GRIN3A: variants seen among roughly 807,000 people sequenced by gnomAD.
GRIN3A encodes the protein glutamate receptor ionotropic, NMDA 3A.
Under a neutral mutation model 92.4 loss-of-function variants are expected in GRIN3A, and 47 were observed. The observed-to-expected ratio is 0.51, with a 90% CI of 0.40 to 0.65. GRIN3A has a LOEUF of 0.65. Among genes scored for constraint, GRIN3A ranks in the 30% least tolerant of loss-of-function variants. The probability of loss-of-function intolerance (pLI) is 0.00; values close to 1 mark genes in which losing one functional copy is unlikely to be tolerated. For missense variants in GRIN3A, 1,324 were observed against 1,393.1 expected, an observed-to-expected ratio of 0.95 and a Z score of 0.79; for synonymous variants, 527 against 540.6, an observed-to-expected ratio of 0.97 and a Z score of 0.35.
chr9:101,595,806 T>C (rs1341010207), intron 6 of GRIN3A, among the ~76,000 whole-genome samples: 1 of 152,216 alleles, frequency 6.6e-6, no homozygotes, highest in African/African-American at 2.4e-5. Context: ...ACATCTTTGT[T>C]GTTGGTGCCT....
At chr9:101,611,067 C>T (rs2118843290) in intron 6 of GRIN3A, among the ~76,000 whole-genome samples, 1 of 149,662 alleles carries the variant, frequency 6.7e-6, no homozygotes, top group Middle Eastern at 3.4e-3. Flanking sequence ...CACTGCACTC[C>T]AGCCTGGGTT....
At chr9:101,607,842 G>GA (rs1361421080) in intron 6 of GRIN3A, among the ~76,000 whole-genome samples, 3 of 152,126 alleles carry the variant, frequency 2.0e-5, no homozygotes, top group Non-Finnish European at 4.4e-5. Context: ...AGAAAGTTAA[G>GA]AAAAAAATAG....
chr9:101,686,505 G>T lies in GRIN3A; in HGVS notation c.1304+91C>A, dbSNP rs546794609. On this transcript the variant is annotated intron_variant, in intron 2 of 8. Transcript: ENST00000361820. Reference sequence around the variant, plus strand: ...TTATTAAAGTTTAAAGCTACTCAGAGTCAAGATTTCTGCAAAGCGGACAGA... The same window carrying T: ...TTATTAAAGTTTAAAGCTACTCAGATTCAAGATTTCTGCAAAGCGGACAGA... The T allele has an allele frequency of 1.9e-5, 27 of 1,404,514 alleles. No homozygotes were observed. In the African/African-American group the frequency reaches 3.2e-4, roughly 17 times the overall value. 87.0% of individuals were successfully genotyped at this position (1,404,514 alleles called of 1,614,324 possible). A position where few individuals can be genotyped will look rare whatever the true frequency, so the allele number is the denominator to read the frequency against.
chr9:101,738,218 C>T lies in GRIN3A; in HGVS notation c.-239G>A, dbSNP rs961057555. Reference sequence around the variant, plus strand: ...GCATCCTCTGCCCGCCCGGTCACTGCGCTGAGCAGGCAGGCGGGCGGGCCG... The same window carrying T: ...GCATCCTCTGCCCGCCCGGTCACTGTGCTGAGCAGGCAGGCGGGCGGGCCG... On this transcript the variant is annotated 5_prime_UTR_variant, in exon 1 of 9. Transcript: ENST00000361820. 18 of 566,996 alleles carry T rather than the reference C, an allele frequency of 3.2e-5. No individual in the cohort carries two copies. The highest frequency in any genetic ancestry group is 5.7e-5 in the Non-Finnish European group (18 of 318,072). The allele number at this position is 566,996 out of a possible 1,614,324, so 35.1% of individuals were successfully genotyped here.
intron 6 of GRIN3A, among the ~76,000 whole-genome samples, chr9:101,590,911 G>A (rs769160084): frequency 2.6e-5 from 4 of 152,064 alleles, no homozygotes; most frequent in Non-Finnish European, 5.9e-5. Flanking sequence ...AAAATGTCTG[G>A]AAGATATTTT....
intron 1 of GRIN3A, among the ~76,000 whole-genome samples, chr9:101,701,413 TGTGTCC>T (rs1282979410): frequency 6.6e-6 from 1 of 152,174 alleles, no homozygotes; most frequent in East Asian, 1.9e-4. Flanking sequence ...TTCCCCTCTA[TGTGTCC>T]ATGTAGTCTC....
chr9:101,616,888 T>TAAAAAA (rs75080539), intron 5 of GRIN3A, among the ~76,000 whole-genome samples: 1 of 101,388 alleles, frequency 9.9e-6, no homozygotes, highest in Non-Finnish European at 1.9e-5. Context: ...ACTTAAAGTA[T>TAAAAAA]AAAAAAAAAA....
intron 1 of GRIN3A, among the ~76,000 whole-genome samples, chr9:101,711,454 G>A (rs1413858985): frequency 1.3e-5 from 2 of 152,166 alleles, no homozygotes; most frequent in African/African-American, 4.8e-5. Context: ...TGAAACCTTG[G>A]AAAGCAAAAC....
intron 8 of GRIN3A, among the ~76,000 whole-genome samples, chr9:101,576,071 T>C (rs560958468): frequency 1.3e-5 from 2 of 152,314 alleles, no homozygotes; most frequent in African/African-American, 4.8e-5. Context: ...TAAGACTCAG[T>C]GTCTACTTGG....
chr9:101,723,578 C>T (rs1588298367), intron 1 of GRIN3A, among the ~76,000 whole-genome samples: 1 of 152,304 alleles, frequency 6.6e-6, no homozygotes, highest in African/African-American at 2.4e-5. Flanking sequence ...ATTCTCTTAT[C>T]TGGCCCCACC....
intron 3 of GRIN3A, among the ~76,000 whole-genome samples, chr9:101,644,460 C>CAAAAA (rs35576054): frequency 2.4e-4 from 23 of 95,084 alleles, no homozygotes; most frequent in African/African-American, 7.4e-4. Context: ...ATTAGTCACT[C>CAAAAA]AAAAAAAAAA....
intron 3 of GRIN3A, among the ~76,000 whole-genome samples, chr9:101,640,973 AC>A (rs1374157175): frequency 3.9e-5 from 6 of 152,232 alleles, no homozygotes; most frequent in African/African-American, 1.4e-4. Context: ...TGTGGAGTTT[AC>A]AGTTCATGTG....
chr9:101,686,187 G>T (rs1267354249), intron 2 of GRIN3A, among the ~76,000 whole-genome samples: 2 of 152,042 alleles, frequency 1.3e-5, no homozygotes, highest in Non-Finnish European at 2.9e-5. Flanking sequence ...CATTTATTTT[G>T]CATCTACTAT....
chr9:101,711,713 T>C (rs1410278395), intron 1 of GRIN3A, among the ~76,000 whole-genome samples: 1 of 152,138 alleles, frequency 6.6e-6, no homozygotes, highest in African/African-American at 2.4e-5. Flanking sequence ...TGGCGGAATC[T>C]AGTGCTGTCT....
rs41282161 is a variant in GRIN3A, at chr9:101,594,118, A to G, written c.2767-14758T>C. On this transcript the variant is annotated intron_variant, in intron 6 of 8. Coordinates refer to ENST00000361820, the MANE Select transcript of GRIN3A (RefSeq NM_133445.3). Reference sequence around the variant, plus strand: ...CTTATTTTTGAACTTTTAAAGTTCTAGTTTGGTCTTTGAATCAAAACAAAG... The same window carrying G: ...CTTATTTTTGAACTTTTAAAGTTCTGGTTTGGTCTTTGAATCAAAACAAAG... The G allele has an allele frequency of 6.3e-3, 2,105 of 335,492 alleles. 14 individuals carry two copies. Among genetic ancestry groups the G allele is most frequent in the Admixed American group, 9.1e-3 (209 of 23,034 alleles). 20.8% of individuals were successfully genotyped at this position (335,492 alleles called of 1,614,324 possible). A position where few individuals can be genotyped will look rare whatever the true frequency, so the allele number is the denominator to read the frequency against.
intron 3 of GRIN3A, among the ~76,000 whole-genome samples, chr9:101,638,570 A>G (rs1170884670): frequency 6.6e-6 from 1 of 152,234 alleles, no homozygotes; most frequent in Non-Finnish European, 1.5e-5. Context: ...TGCCAACACT[A>G]TTGGTGTTTC....
chr9:101,670,041 A>G lies in GRIN3A; in HGVS notation c.2352+19T>C. ...TTATAATGGACAATCAAGAAAGCTA[A>G]AGTAAAATGAAGTATTACCTTGGGG... is the stretch of plus-strand genomic sequence containing the variant. On this transcript the variant is annotated intron_variant, in intron 3 of 8. Coordinates refer to ENST00000361820, the MANE Select transcript of GRIN3A (RefSeq NM_133445.3). 6.5e-7 allele frequency: 1 copy of G among 1,542,660 alleles called. No individual in the cohort carries two copies. The highest frequency in any genetic ancestry group is 9.0e-7 in the Non-Finnish European group (1 of 1,115,214).
At position 101,738,031 on chromosome 9, in the gene GRIN3A, C is replaced by T. The variant is rs1830242088; in HGVS notation, c.-52G>A. ...GCCCCCTCCTGCGCCCGGCTCGCCC[C>T]TCTGCAGCCGCTGCCTGAGGTCTCC... On this transcript the variant is annotated 5_prime_UTR_variant, in exon 1 of 9. Coordinates refer to ENST00000361820, the MANE Select transcript of GRIN3A (RefSeq NM_133445.3). 1 of 1,466,462 alleles carries T rather than the reference C, an allele frequency of 6.8e-7. No individual in the cohort carries two copies. The highest frequency in any genetic ancestry group is 9.2e-7 in the Non-Finnish European group (1 of 1,085,880). 90.8% of individuals were successfully genotyped at this position (1,466,462 alleles called of 1,614,324 possible).
At chr9:101,615,429 T>G (rs1828432367) in intron 5 of GRIN3A, among the ~76,000 whole-genome samples, 2 of 143,242 alleles carry the variant, frequency 1.4e-5, no homozygotes, top group African/African-American at 2.6e-5. Context: ...CGATCTCGGC[T>G]CACTGCAAGC....
Sources: gnomAD v4.1 joint callset for allele counts (sites outside exome capture counted in the v4.1 genomes callset) on GRCh38, gnomAD v4.1.1 for gene constraint, MANE v1.5 for transcripts, NCBI Gene and HGNC (gene_info 2026-07-23, HGNC 2026-07-21) for gene names.